IGF1R: variants seen among roughly 807,000 people sequenced by gnomAD.
IGF1R encodes insulin-like growth factor 1 receptor.
In IGF1R, 44 loss-of-function variants were observed where a neutral mutation model predicts 144.6. The ratio of observed to expected loss-of-function variants is 0.30; its 90% CI spans 0.24 to 0.39. The LOEUF (loss-of-function observed/expected upper bound fraction) is 0.39. Among genes scored for constraint, IGF1R ranks in the 10% least tolerant of loss-of-function variants. IGF1R has a pLI of 1.00. For synonymous variants in IGF1R, 795 were observed against 722.8 expected (o/e 1.10, Z -1.60); for missense variants, 1,355 against 1,833.7 (o/e 0.74, Z 4.77).
rs144394679 is a variant in IGF1R at position 98,963,708 on chromosome 15, C to T, written c.*6266C>T. 3 of 232,824 alleles carry T rather than the reference C, an allele frequency of 1.3e-5. No individual in the cohort carries two copies. Among genetic ancestry groups the T allele is most frequent in the Non-Finnish European group, 2.5e-5 (3 of 117,750 alleles). 14.4% of individuals were successfully genotyped at this position (232,824 alleles called of 1,614,324 possible). On this transcript the variant is annotated 3_prime_UTR_variant, in exon 21 of 21. Transcript: ENST00000650285. ...GGCCATTTGCTTACATGCCTCGTAT[C>T]ATGACTGATTACTGCTTTGTTAGAA...
rs760388654 is a variant in IGF1R, at chr15:98,911,389, C to T, written c.1537C>T (p.Arg513Trp). ...CATCATCATAACCTGGCACCGGTACCGGCCCCCTGACTACAGGGATCTCAT... is the reference window on the plus strand; with the variant it reads ...CATCATCATAACCTGGCACCGGTACTGGCCCCCTGACTACAGGGATCTCAT... ...NRIIITWHRY[R>W]PPDYRDLISF... Residue 513 changes from arginine (R) to tryptophan (W), a missense_variant, in exon 7 of 21, where the codon CGG (arginine) becomes TGG (tryptophan). By Grantham distance (101) the Arg-to-Trp change is moderately radical (BLOSUM62 -3). Around this residue, in one of 7 missense-constraint regions of IGF1R, gnomAD observed 880 missense variants for 1,202.7 expected, o/e 0.73. Transcript: ENST00000650285. 15 of 1,614,206 alleles carry T rather than the reference C, an allele frequency of 9.3e-6. No homozygotes were observed. The highest frequency in any genetic ancestry group is 3.3e-5 in the Admixed American group (2 of 60,034).
intron 20 of IGF1R, among the ~76,000 whole-genome samples, chr15:98,956,335 C>G (rs931580171): frequency 9.2e-5 from 14 of 152,364 alleles, no homozygotes; most frequent in Admixed American, 7.2e-4. Context: ...GTGCCCAGGG[C>G]TCTCCTTGCT....
intron 2 of IGF1R, among the ~76,000 whole-genome samples, chr15:98,708,724 C>A (rs1020766179): frequency 2.2e-4 from 33 of 152,274 alleles, no homozygotes; most frequent in African/African-American, 7.5e-4. Context: ...TCTGCAAGTC[C>A]CAGGTTCAGG....
Position 98,911,413 on chromosome 15 carries a change from A to G in IGF1R, c.1561A>G (p.Ile521Val). 1 of 1,613,820 alleles carries G rather than the reference A, an allele frequency of 6.2e-7. No homozygotes were observed. Among genetic ancestry groups the G allele is most frequent in the Non-Finnish European group, 8.5e-7 (1 of 1,179,750 alleles). The change falls in exon 7 of 21, where the codon ATC becomes GTC. Residue 521 changes from isoleucine to valine, a missense_variant. Physicochemically the swap from Ile to Val is conservative, Grantham distance 29. This residue lies in a region of IGF1R where 880 missense variants were observed against 1,202.7 expected (regional missense o/e 0.73). Transcript: ENST00000650285. ...CCGGCCCCCTGACTACAGGGATCTC[A>G]TCAGCTTCACCGTTTACTACAAGGA... ...RYRPPDYRDL[I>V]SFTVYYKEAP...
chr15:98,716,477 CA>C (rs1205351935), intron 2 of IGF1R, among the ~76,000 whole-genome samples: 4 of 152,116 alleles, frequency 2.6e-5, no homozygotes, highest in African/African-American at 9.7e-5. Context: ...GAAGGAACCC[CA>C]AGTAGAAACC....
intron 2 of IGF1R, among the ~76,000 whole-genome samples, chr15:98,872,843 TA>T (rs79018028): frequency 3.1e-4 from 44 of 140,270 alleles, no homozygotes; most frequent in East Asian, 1.4e-3. Context: ...TAAAACCAAT[TA>T]AAAAAAAAAA....
At chr15:98,752,567 C>T (rs951119915) in intron 2 of IGF1R, among the ~76,000 whole-genome samples, 2 of 152,010 alleles carry the variant, frequency 1.3e-5, no homozygotes, top group South Asian at 4.1e-4. Context: ...CCTGTAATCC[C>T]AGCTACTCTG....
At chr15:98,659,401 C>T (rs2052552705) in intron 1 of IGF1R, among the ~76,000 whole-genome samples, 1 of 151,948 alleles carries the variant, frequency 6.6e-6, no homozygotes. Context: ...TGCATAGGCT[C>T]CATCTAGTGG....
chr15:98,691,766 T>C lies in IGF1R; in HGVS notation c.95-15796T>C, dbSNP rs114371939. Among the ~76,000 whole-genome samples the C allele has an allele frequency of 5.4e-3, 823 of 152,208 alleles. 6 individuals carry two copies. Among genetic ancestry groups the C allele is most frequent in the African/African-American group, 0.019 (791 of 41,556 alleles). On this transcript the variant is annotated intron_variant, in intron 1 of 20. Transcript: ENST00000650285. ...GATTTGTCAGCATGACCTATCACCA[T>C]TGTTGTTAACCTTCACCACCTGGAT...
At chr15:98,742,425 G>A (rs915799734) in intron 2 of IGF1R, among the ~76,000 whole-genome samples, 3 of 152,158 alleles carry the variant, frequency 2.0e-5, no homozygotes, top group Admixed American at 1.3e-4. Context: ...TGCTTGTGGT[G>A]GGGGGCAAGG....
In IGF1R at chr15:98,921,979, C is replaced by G. The variant is rs961126486; in HGVS notation, c.2202-169C>G. On this transcript the variant is annotated intron_variant, in intron 10 of 20. Coordinates refer to ENST00000650285, the MANE Select transcript of IGF1R (RefSeq NM_000875.5). ...TCTGACACTTGCAGAGTAGAGAAAG[C>G]AAGATAATGAGGAAGGACATCCCTG... 3.9e-5 allele frequency among the ~76,000 whole-genome samples: 6 copies of G among 152,230 alleles called. 1 individual carries two copies. The South Asian group carries it at 1.2e-3, about 32-fold the overall frequency.
intron 2 of IGF1R, among the ~76,000 whole-genome samples, chr15:98,833,101 G>A (rs1018027707): frequency 6.6e-6 from 1 of 152,152 alleles, no homozygotes; most frequent in African/African-American, 2.4e-5. Context: ...TTGGGTTGAG[G>A]TATCCCCTGG....
In IGF1R at chr15:98,882,219, A is replaced by G. The variant is rs1426475641; in HGVS notation, c.641-9106A>G. ...GAAGCCGTGACCGTCATCTTGGAAT[A>G]TTGTTTGAAAGTCTGACCTGTACAA... On this transcript the variant is annotated intron_variant, in intron 2 of 20. Transcript: ENST00000650285. Among the ~76,000 whole-genome samples the G allele has an allele frequency of 2.6e-5, 4 of 152,306 alleles. No homozygotes were observed. The East Asian group carries it at 5.8e-4, about 22-fold the overall frequency.
chr15:98,669,372 GT>G lies in IGF1R; in HGVS notation c.94+19700del, dbSNP rs2052828070. ...TCCATGAACTCCACCCCAATTACCTGTTTGAATTTTGCATGCCAGTTATTTT... is the reference window on the plus strand; with the variant it reads ...TCCATGAACTCCACCCCAATTACCTGTTGAATTTTGCATGCCAGTTATTTT... On this transcript the variant is annotated intron_variant, in intron 1 of 20. Coordinates refer to ENST00000650285, the MANE Select transcript of IGF1R (RefSeq NM_000875.5). Among the ~76,000 whole-genome samples the G allele has an allele frequency of 2.0e-5, 3 of 152,172 alleles. No homozygotes were observed. The South Asian group carries it at 6.2e-4, about 31-fold the overall frequency.
chr15:98,658,605 A>T (rs755340420), intron 1 of IGF1R, among the ~76,000 whole-genome samples: 5 of 152,240 alleles, frequency 3.3e-5, no homozygotes, highest in Non-Finnish European at 5.9e-5. Flanking sequence ...ACGCTAAGTC[A>T]GGTGATTCCT....
At chr15:98,919,578 G>A (rs2015401764) in intron 10 of IGF1R, among the ~76,000 whole-genome samples, 1 of 152,206 alleles carries the variant, frequency 6.6e-6, no homozygotes, top group African/African-American at 2.4e-5. Flanking sequence ...CATTGGTGGT[G>A]TTGGGTTCAA....
At chr15:98,668,038 G>T in intron 1 of IGF1R, among the ~76,000 whole-genome samples, 1 of 152,142 alleles carries the variant, frequency 6.6e-6, no homozygotes, top group Middle Eastern at 3.2e-3. Flanking sequence ...CACAGTTCTG[G>T]AGGCTGGAAG....
intron 2 of IGF1R, among the ~76,000 whole-genome samples, chr15:98,738,204 C>A (rs2054656685): frequency 1.3e-5 from 2 of 152,148 alleles, no homozygotes; most frequent in Non-Finnish European, 2.9e-5. Flanking sequence ...ACAGTTTGGT[C>A]CCGTTGTAAG....
Position 98,688,414 on chromosome 15 carries a change from C to CTGTGTGTGTG in IGF1R, c.95-19119_95-19110dup, listed in dbSNP as rs10528336. Among the ~76,000 whole-genome samples the CTGTGTGTGTG allele has an allele frequency of 1.7e-3, 239 of 143,614 alleles. 1 individual carries two copies. Among genetic ancestry groups the CTGTGTGTGTG allele is most frequent in the African/African-American group, 4.6e-3 (178 of 38,504 alleles). 94.2% of individuals were successfully genotyped at this position (143,614 alleles called of 152,430 possible). A position where few individuals can be genotyped will look rare whatever the true frequency, so the allele number is the denominator to read the frequency against. ...CTTCGACTCACCACACAACACACAC[C>CTGTGTGTGTG]TGTGTGTGTGTGTGTGTGTGTGTGT... On this transcript the variant is annotated intron_variant, in intron 1 of 20. Coordinates refer to ENST00000650285, the MANE Select transcript of IGF1R (RefSeq NM_000875.5).
Sources: gnomAD v4.1 joint callset for allele counts (sites outside exome capture counted in the v4.1 genomes callset) on GRCh38, gnomAD v4.1.1 for gene constraint, gnomAD v4.1.1 regional missense constraint, MANE v1.5 for transcripts, NCBI Gene and HGNC (gene_info 2026-07-23, HGNC 2026-07-21) for gene names.